Variants in SEPTIN11 observed in about 807,000 individuals in gnomAD.
SEPTIN11 encodes the protein septin-11.
A neutral mutation model predicts 51.4 loss-of-function variants in SEPTIN11; 25 were observed. That is an observed-to-expected ratio of 0.49 (90% CI 0.35 to 0.68). The LOEUF is 0.68. Ranked by LOEUF, SEPTIN11 falls within the 30% of genes least tolerant of loss-of-function variation. The probability of loss-of-function intolerance (pLI) is 0.00; values close to 1 mark genes in which losing one functional copy is unlikely to be tolerated. For synonymous variants in SEPTIN11, 174 were observed against 184.1 expected, an observed-to-expected ratio of 0.95 and a Z score of 0.44; for missense variants, 381 against 520.8, an observed-to-expected ratio of 0.73 and a Z score of 2.61.
At chr4:76,978,683 T>C (rs976305726) in intron 1 of SEPTIN11, among the ~76,000 whole-genome samples, 2 of 152,206 alleles carry the variant, frequency 1.3e-5, no homozygotes, top group African/African-American at 2.4e-5. Context: ...ATGAGACCTA[T>C]GTAAAATACT....
chr4:77,015,917 G>A (rs1011171050), intron 5 of SEPTIN11, among the ~76,000 whole-genome samples: 5 of 152,184 alleles, frequency 3.3e-5, no homozygotes, highest in Non-Finnish European at 5.9e-5. Flanking sequence ...TACGAAGTGA[G>A]TGTTTAACTA....
intron 3 of SEPTIN11, among the ~76,000 whole-genome samples, chr4:77,011,373 C>T (rs1724850862): frequency 6.6e-6 from 1 of 152,134 alleles, no homozygotes; most frequent in South Asian, 2.1e-4. Context: ...CACGGATACC[C>T]CTTGGGGGAG....
chr4:77,039,871 T>A, downstream of SEPTIN11: 1 of 406,254 alleles, frequency 2.5e-6, no homozygotes, highest in Non-Finnish European at 3.3e-6. Context: ...TTTGGGACTA[T>A]GTTTTGGGGG....
At chr4:77,002,950 C>T (rs1019841481) in intron 2 of SEPTIN11, among the ~76,000 whole-genome samples, 30 of 152,072 alleles carry the variant, frequency 2.0e-4, no homozygotes, top group Non-Finnish European at 3.5e-4. Flanking sequence ...ACAGTGAGCG[C>T]CCAAGCATTA....
At position 77,036,337 on chromosome 4, in the gene SEPTIN11, A is replaced by C. The variant is rs758512481; in HGVS notation, c.*1825A>C. The C allele has an allele frequency of 9.6e-7, 1 of 1,040,216 alleles. No homozygotes were observed. The highest frequency in any genetic ancestry group is 1.2e-6 in the Non-Finnish European group (1 of 863,624). The allele number at this position is 1,040,216 out of a possible 1,614,324, so 64.4% of individuals were successfully genotyped here. On this transcript the variant is annotated 3_prime_UTR_variant, in exon 10 of 10. Transcript: ENST00000264893. ...GTGGAGCAGCCAAATAGTAGCTGGCATGTTGATTCAAACCATGGGCTGAAT... is the reference window on the plus strand; with the variant it reads ...GTGGAGCAGCCAAATAGTAGCTGGCCTGTTGATTCAAACCATGGGCTGAAT...
chr4:76,961,572 T>C (rs1721826608), intron 1 of SEPTIN11, among the ~76,000 whole-genome samples: 1 of 152,218 alleles, frequency 6.6e-6, no homozygotes, highest in South Asian at 2.1e-4. Flanking sequence ...CATCAGAGCT[T>C]AGCCTAGCCT....
chr4:77,012,705 T>C (rs1481023182), intron 4 of SEPTIN11, among the ~76,000 whole-genome samples: 6 of 152,230 alleles, frequency 3.9e-5, no homozygotes, highest in Non-Finnish European at 7.3e-5. Flanking sequence ...CTGATAAAGA[T>C]GCTGTCTCTC....
chr4:77,009,013 C>T (rs1421054773), intron 3 of SEPTIN11, among the ~76,000 whole-genome samples: 11 of 152,186 alleles, frequency 7.2e-5, no homozygotes, highest in Non-Finnish European at 1.6e-4. Flanking sequence ...ATGAGGAGTA[C>T]AAAACCACTT....
chr4:77,007,142 T>C (rs575920696), intron 3 of SEPTIN11, among the ~76,000 whole-genome samples: 1 of 152,272 alleles, frequency 6.6e-6, no homozygotes, highest in South Asian at 2.1e-4. Context: ...CTGAAGGCTG[T>C]TTGTAATGCC....
intron 3 of SEPTIN11, among the ~76,000 whole-genome samples, chr4:77,010,569 GT>G (rs535153662): frequency 4.4e-4 from 67 of 151,508 alleles, no homozygotes; most frequent in African/African-American, 1.4e-3. Context: ...ACTGCTTTCA[GT>G]TTTGCTCATA....
intron 4 of SEPTIN11, among the ~76,000 whole-genome samples, chr4:77,013,955 C>T (rs755026942): frequency 9.2e-5 from 14 of 152,156 alleles, no homozygotes; most frequent in African/African-American, 1.9e-4. Context: ...TCTTAAAATG[C>T]GAATTTAAGA....
At chr4:76,973,807 A>AT (rs1722362481) in intron 1 of SEPTIN11, among the ~76,000 whole-genome samples, 1 of 152,094 alleles carries the variant, frequency 6.6e-6, no homozygotes, top group Non-Finnish European at 1.5e-5. Context: ...ACTTTAATGC[A>AT]TTTTTTATGC....
At chr4:76,990,950 G>A (rs1723344884) in intron 1 of SEPTIN11, among the ~76,000 whole-genome samples, 1 of 152,162 alleles carries the variant, frequency 6.6e-6, no homozygotes, top group Non-Finnish European at 1.5e-5. Flanking sequence ...TTGTAAATGA[G>A]TTTTCTCTTT....
chr4:77,036,324 A>G lies in SEPTIN11; in HGVS notation c.*1812A>G, dbSNP rs772236518. On this transcript the variant is annotated 3_prime_UTR_variant, in exon 10 of 10. Transcript: ENST00000264893. ...TCTGGAGCTAACTGTGGAGCAGCCAAATAGTAGCTGGCATGTTGATTCAAA... is the reference window on the plus strand; with the variant it reads ...TCTGGAGCTAACTGTGGAGCAGCCAGATAGTAGCTGGCATGTTGATTCAAA... 24 of 1,034,820 alleles carry G rather than the reference A, an allele frequency of 2.3e-5. No homozygotes were observed. Among genetic ancestry groups the G allele is most frequent in the Non-Finnish European group, 2.8e-5 (24 of 860,604 alleles). The allele number at this position is 1,034,820 out of a possible 1,614,324, so 64.1% of individuals were successfully genotyped here. A position where few individuals can be genotyped will look rare whatever the true frequency, so the allele number is the denominator to read the frequency against.
At position 77,020,549 on chromosome 4, in the gene SEPTIN11, A is replaced by G; in HGVS notation, c.832A>G (p.Ile278Val). ...CDFVKLREML[I>V]RVNMEDLREQ... ...TTTTGTGAAACTTCGAGAGATGCTG[A>G]TCCGCGTGAACATGGAGGACTTGCG... Residue 278 changes from isoleucine (I) to valine (V), a missense_variant, in exon 7 of 10, where the codon ATC becomes GTC. Ile to Val is a conservative substitution (Grantham distance 29). Transcript: ENST00000264893. 1 of 1,614,014 alleles carries G rather than the reference A, an allele frequency of 6.2e-7. No individual in the cohort carries two copies. Among genetic ancestry groups the G allele is most frequent in the Non-Finnish European group, 8.5e-7 (1 of 1,180,008 alleles).
intron 1 of SEPTIN11, among the ~76,000 whole-genome samples, chr4:76,976,028 G>A (rs2109908451): frequency 6.6e-6 from 1 of 152,284 alleles, no homozygotes; most frequent in East Asian, 1.9e-4. Context: ...ATACCATGGG[G>A]CTTCAAAGCT....
At position 76,991,828 on chromosome 4, in the gene SEPTIN11, T is replaced by C. The variant is rs540306777; in HGVS notation, c.28-4597T>C. Among the ~76,000 whole-genome samples, 178 of 152,346 alleles carry C rather than the reference T, an allele frequency of 1.2e-3. 1 individual carries two copies. The Middle Eastern group carries it at 0.014, about 12-fold the overall frequency. On this transcript the variant is annotated intron_variant, in intron 1 of 9. Transcript: ENST00000264893. ...GGGTCGGAACTGCAGTGTTCTTCAA[T>C]GAATTATAAAAATAACTTATTTTAG...
At chr4:76,953,738 T>C (rs368142153) in intron 1 of SEPTIN11, among the ~76,000 whole-genome samples, 2 of 152,220 alleles carry the variant, frequency 1.3e-5, no homozygotes, top group South Asian at 4.1e-4. Context: ...GCAAGAAGTT[T>C]CTGAGGTACA....
chr4:76,952,865 A>T (rs557347660), intron 1 of SEPTIN11, among the ~76,000 whole-genome samples: 2 of 152,266 alleles, frequency 1.3e-5, no homozygotes, highest in South Asian at 4.1e-4. Flanking sequence ...TTGCGTCCAA[A>T]TCCCGGGGCA....
Sources: allele counts gnomAD v4.1 joint callset (sites outside exome capture counted in the v4.1 genomes callset), GRCh38; gene constraint gnomAD v4.1.1; transcripts MANE v1.5; gene names NCBI Gene and HGNC (gene_info 2026-07-23, HGNC 2026-07-21).